Variants in CCDC149 observed in about 807,000 individuals in gnomAD.
CCDC149 encodes coiled-coil domain containing 149, also known as coiled-coil domain-containing protein 149.
In CCDC149, 45 loss-of-function variants were observed where a neutral mutation model predicts 59.9. The observed-to-expected ratio is 0.75, with a 90% CI of 0.59 to 0.96. The LOEUF (loss-of-function observed/expected upper bound fraction) is 0.96, where lower values mean the gene tolerates loss of function less well. Among genes scored for constraint, CCDC149 ranks in the 40% least tolerant of loss-of-function variants. The pLI, the probability that CCDC149 is intolerant of heterozygous loss-of-function variation, is 0.00. For synonymous variants in CCDC149, 245 were observed against 260.6 expected (o/e 0.94, Z 0.58); for missense variants, 584 against 664.7 (o/e 0.88, Z 1.33).
At chr4:24,814,521 T>C (rs760535942) in intron 12 of CCDC149, among the ~76,000 whole-genome samples, 1 of 152,206 alleles carries the variant, frequency 6.6e-6, no homozygotes, top group Non-Finnish European at 1.5e-5. Context: ...GTGTGGTTCA[T>C]GGACCAGCAG....
intron 3 of CCDC149, among the ~76,000 whole-genome samples, chr4:24,858,398 A>G (rs1718164023): frequency 6.6e-6 from 1 of 152,242 alleles, no homozygotes; most frequent in Non-Finnish European, 1.5e-5. Flanking sequence ...TTTAAAAAGA[A>G]GCCTCTTTTA....
chr4:24,863,594 C>A (rs1330660539), intron 3 of CCDC149, among the ~76,000 whole-genome samples: 1 of 152,226 alleles, frequency 6.6e-6, no homozygotes, highest in East Asian at 1.9e-4. Context: ...CTTCAAAGCT[C>A]ATCTTGGTTT....
At chr4:24,931,735 C>T (rs1470892206) in intron 1 of CCDC149, among the ~76,000 whole-genome samples, 2 of 150,114 alleles carry the variant, frequency 1.3e-5, no homozygotes, top group East Asian at 3.9e-4. Flanking sequence ...TCCAGAAAGC[C>T]TTCCTGGTTT....
At chr4:24,844,095 A>C (rs2109159361) in intron 4 of CCDC149, among the ~76,000 whole-genome samples, 1 of 150,868 alleles carries the variant, frequency 6.6e-6, no homozygotes, top group Non-Finnish European at 1.5e-5. Flanking sequence ...CACTAGAGGC[A>C]TTCATCCCCA....
At position 24,901,158 on chromosome 4, in the gene CCDC149, A is replaced by T. The variant is rs1721145766; in HGVS notation, c.63+11659T>A. Among the ~76,000 whole-genome samples the T allele has an allele frequency of 2.0e-5, 3 of 152,238 alleles. 1 individual carries two copies. Among genetic ancestry groups the T allele is most frequent in the South Asian group, 4.1e-4 (2 of 4,832 alleles). ...AATAAAATAGCTTCAGATAATGAAG[A>T]GAGTGGACCAGAAGAGGTGAAAGTG... On this transcript the variant is annotated intron_variant, in intron 1 of 12. Transcript: ENST00000635206.
At chr4:24,844,906 C>T (rs1717176987) in intron 4 of CCDC149, among the ~76,000 whole-genome samples, 1 of 152,220 alleles carries the variant, frequency 6.6e-6, no homozygotes, top group Non-Finnish European at 1.5e-5. Flanking sequence ...GATCCCCATT[C>T]ACCCATTTAA....
intron 1 of CCDC149, among the ~76,000 whole-genome samples, chr4:24,927,893 C>T (rs1722472259): frequency 6.6e-6 from 1 of 151,420 alleles, no homozygotes; most frequent in Non-Finnish European, 1.5e-5. Context: ...TATACCTGTG[C>T]ACATCCATGA....
intron 3 of CCDC149, among the ~76,000 whole-genome samples, chr4:24,854,897 C>T (rs1320964525): frequency 1.3e-5 from 2 of 152,190 alleles, no homozygotes; most frequent in Admixed American, 6.5e-5. Context: ...TCACCTCCTT[C>T]AGTCTTGCTC....
At chr4:24,873,766 G>C in intron 2 of CCDC149, 47 bp from the exon 3 acceptor site, 1 of 1,451,130 alleles carries the variant, frequency 6.9e-7, no homozygotes, top group South Asian at 1.2e-5. Context: ...AAAAATAGAT[G>C]TACTTAGAAA....
intron 8 of CCDC149, among the ~76,000 whole-genome samples, chr4:24,833,577 T>C (rs1716306004): frequency 6.6e-6 from 1 of 152,070 alleles, no homozygotes; most frequent in Admixed American, 6.6e-5. Flanking sequence ...TGAACCACGA[T>C]CACGCCACTG....
chr4:24,870,267 C>A (rs898464142), intron 3 of CCDC149, among the ~76,000 whole-genome samples: 2 of 152,198 alleles, frequency 1.3e-5, no homozygotes, highest in African/African-American at 4.8e-5. Flanking sequence ...ACCGGGTGCC[C>A]TGTATTTTTA....
At chr4:24,938,150 A>G (rs895043626) in intron 1 of CCDC149, among the ~76,000 whole-genome samples, 4 of 152,190 alleles carry the variant, frequency 2.6e-5, no homozygotes, top group African/African-American at 9.7e-5. Context: ...CTGTAAATTC[A>G]TTTCAGCCAG....
chr4:24,913,348 C>G (rs1459573417), upstream of CCDC149, among the ~76,000 whole-genome samples: 35 of 152,188 alleles, frequency 2.3e-4, no homozygotes, highest in Admixed American at 2.1e-3. Flanking sequence ...GCAAGCTCCC[C>G]GAGGGCAGGG....
chr4:24,966,449 A>T (rs1212262931), intron 1 of CCDC149, among the ~76,000 whole-genome samples: 1 of 151,992 alleles, frequency 6.6e-6, no homozygotes, highest in Non-Finnish European at 1.5e-5. Context: ...AGGGCACCAC[A>T]TACATGAAGT....
At chr4:24,825,039 A>G (rs1715636213) in intron 9 of CCDC149, among the ~76,000 whole-genome samples, 2 of 152,190 alleles carry the variant, frequency 1.3e-5, no homozygotes, top group Non-Finnish European at 2.9e-5. Flanking sequence ...GGGGCTATTT[A>G]CATTTTAGCA....
At chr4:24,964,311 A>G (rs1188896549) in intron 1 of CCDC149, among the ~76,000 whole-genome samples, 1 of 152,210 alleles carries the variant, frequency 6.6e-6, no homozygotes, top group Non-Finnish European at 1.5e-5. Context: ...GATAGAATCA[A>G]TGAACCTAGG....
chr4:24,955,327 C>T (rs73250645), intron 1 of CCDC149, among the ~76,000 whole-genome samples: 26,950 of 152,022 alleles, frequency 0.18, 3,221 homozygotes, highest in African/African-American at 0.33. Flanking sequence ...TTCATAGAGC[C>T]TTAGTTCCAT....
chr4:24,870,918 G>A (rs569767338), intron 3 of CCDC149, among the ~76,000 whole-genome samples: 6 of 151,894 alleles, frequency 4.0e-5, no homozygotes, highest in Admixed American at 3.9e-4. Context: ...GGTGGCGGGT[G>A]CCTGTAGTCC....
intron 1 of CCDC149, among the ~76,000 whole-genome samples, chr4:24,890,206 AT>A (rs1395506298): frequency 6.6e-6 from 1 of 152,232 alleles, no homozygotes; most frequent in Non-Finnish European, 1.5e-5. Flanking sequence ...CTATAATGAT[AT>A]GAACAGCCAG....
Sources: allele counts gnomAD v4.1 joint callset (sites outside exome capture counted in the v4.1 genomes callset), GRCh38; gene constraint gnomAD v4.1.1; transcripts MANE v1.5; gene names NCBI Gene and HGNC (gene_info 2026-07-23, HGNC 2026-07-21).